ABCB5: variants seen among roughly 807,000 people sequenced by gnomAD.
ABCB5 encodes ATP binding cassette subfamily B member 5.
In ABCB5, 155 loss-of-function variants were observed where a neutral mutation model predicts 144.2. The observed-to-expected ratio is 1.08, with a 90% CI of 0.94 to 1.23. ABCB5 has a LOEUF of 1.23. ABCB5 is among the 50% of genes most tolerant of loss of function. The pLI, the probability that ABCB5 is intolerant of heterozygous loss-of-function variation, is 0.00. For synonymous variants in ABCB5, 610 were observed against 528.6 expected, an observed-to-expected ratio of 1.15 and a Z score of -2.11; for missense variants, 1,830 against 1,520.8, an observed-to-expected ratio of 1.20 and a Z score of -3.38.
At chr7:20,724,687 C>T (rs1230201649) in intron 21 of ABCB5, among the ~76,000 whole-genome samples, 1 of 149,948 alleles carries the variant, frequency 6.7e-6, no homozygotes, top group East Asian at 2.0e-4. Flanking sequence ...GAGCTCTTGG[C>T]TACACTGGTG....
At chr7:20,636,729 G>C (rs1253263123) in intron 5 of ABCB5, among the ~76,000 whole-genome samples, 1 of 140,928 alleles carries the variant, frequency 7.1e-6, no homozygotes. Flanking sequence ...AGGTTGCAGT[G>C]AGCTGAGATC....
chr7:20,619,890 C>T (rs560773296), intron 1 of ABCB5, among the ~76,000 whole-genome samples: 1 of 152,328 alleles, frequency 6.6e-6, no homozygotes, highest in Non-Finnish European at 1.5e-5. Context: ...CATTCTTCTG[C>T]ATATGGCTAG....
At chr7:20,708,087 A>G (rs1253862255) in intron 20 of ABCB5, among the ~76,000 whole-genome samples, 3 of 152,000 alleles carry the variant, frequency 2.0e-5, no homozygotes, top group Non-Finnish European at 4.4e-5. Context: ...TACAGGCGTG[A>G]GCCACCGCGC....
At chr7:20,737,509 A>G (rs1782424614) in intron 23 of ABCB5, among the ~76,000 whole-genome samples, 1 of 152,216 alleles carries the variant, frequency 6.6e-6, no homozygotes. Flanking sequence ...ATTTATGTCT[A>G]ATGCTTACCA....
intron 20 of ABCB5, among the ~76,000 whole-genome samples, chr7:20,718,145 G>A (rs1440106965): frequency 2.0e-5 from 3 of 148,966 alleles, no homozygotes; most frequent in Non-Finnish European, 4.5e-5. Context: ...TCCGGACCTC[G>A]TGACCAGCCC....
In ABCB5 at chr7:20,618,764, C is replaced by CTTTTTTTTTTTTTT. The variant is rs59970398; in HGVS notation, c.-22+2942_-22+2955dup. Among the ~76,000 whole-genome samples the CTTTTTTTTTTTTTT allele has an allele frequency of 1.4e-4, 7 of 51,574 alleles. 1 individual carries two copies. The highest frequency in any genetic ancestry group is 6.5e-4 in the Admixed American group (2 of 3,074). The allele number at this position is 51,574 out of a possible 152,430, so 33.8% of individuals were successfully genotyped here. On this transcript the variant is annotated intron_variant, in intron 1 of 27. Transcript: ENST00000404938. ...TCATGGCATATATGTGCTGCATTTT[C>CTTTTTTTTTTTTTT]TTTTTTTTTTTTTTTTTTTTTTTTT...
chr7:20,714,534 T>C (rs1376498425), intron 20 of ABCB5, among the ~76,000 whole-genome samples: 1 of 152,184 alleles, frequency 6.6e-6, no homozygotes, highest in Admixed American at 6.5e-5. Flanking sequence ...TATTTTCTGT[T>C]TATTCTTCTT....
chr7:20,624,740 G>C (rs544518490), intron 2 of ABCB5, among the ~76,000 whole-genome samples: 6 of 152,144 alleles, frequency 3.9e-5, no homozygotes, highest in African/African-American at 1.2e-4. Flanking sequence ...TGAAAGTACT[G>C]GGCCACCAAC....
At chr7:20,635,746 G>C (rs1376477125) in intron 5 of ABCB5, among the ~76,000 whole-genome samples, 3 of 152,010 alleles carry the variant, frequency 2.0e-5, no homozygotes, top group African/African-American at 7.2e-5. Flanking sequence ...TTTGCACATT[G>C]ATTTTATAAC....
chr7:20,627,471 A>G (rs986552508), intron 3 of ABCB5, among the ~76,000 whole-genome samples: 3 of 152,182 alleles, frequency 2.0e-5, no homozygotes, highest in Admixed American at 1.3e-4. Context: ...TGCTGTTATT[A>G]AAATCTAATT....
chr7:20,646,009 T>A lies in ABCB5; in HGVS notation c.852T>A (p.Thr284=), dbSNP rs779206665. The part of the protein sequence containing the change: ...KDAKDFGIKR[T]IASKVSLGAV... The stretch of plus-strand genomic sequence containing the variant: ...CAAAGGATTTTGGCATAAAAAGGAC[T>A]ATAGCTTCAAAAGTGTCTCTTGGTG... Residue 284 remains threonine (T), a synonymous_variant, in exon 9 of 28, where the codon ACT becomes ACA. Transcript: ENST00000404938. 2 of 1,613,882 alleles carry A rather than the reference T, an allele frequency of 1.2e-6. No individual in the cohort carries two copies. Among genetic ancestry groups the A allele is most frequent in the Middle Eastern group, 1.7e-4 (1 of 6,060 alleles).
chr7:20,707,652 A>G (rs1390711608), intron 20 of ABCB5, among the ~76,000 whole-genome samples: 1 of 152,172 alleles, frequency 6.6e-6, no homozygotes, highest in Non-Finnish European at 1.5e-5. Context: ...GACACATCCA[A>G]TGCTAGAACC....
chr7:20,699,476 G>A (rs1157062922), intron 17 of ABCB5, among the ~76,000 whole-genome samples: 1 of 152,072 alleles, frequency 6.6e-6, no homozygotes, highest in Non-Finnish European at 1.5e-5. Context: ...GGAGGCAGCC[G>A]GATCACTTGA....
chr7:20,676,293 C>T lies in ABCB5; in HGVS notation c.1708-5212C>T, dbSNP rs539240889. Among the ~76,000 whole-genome samples the T allele has an allele frequency of 8.0e-5, 12 of 150,354 alleles. No homozygotes were observed. In the South Asian group the frequency reaches 2.1e-3, roughly 26 times the overall value. On this transcript the variant is annotated intron_variant, in intron 14 of 27. Coordinates refer to ENST00000404938, the MANE Select transcript of ABCB5 (RefSeq NM_001163941.2). ...AGTCAGTATCTCGAAGAGGTATATA[C>T]ACTCCCATGCTCATTGCATCATTAT...
At chr7:20,617,317 T>C (rs1783709577) in intron 1 of ABCB5, among the ~76,000 whole-genome samples, 2 of 152,234 alleles carry the variant, frequency 1.3e-5, no homozygotes, top group African/African-American at 2.4e-5. Context: ...TAGATTATCA[T>C]TCAGTACATG....
chr7:20,626,703 A>T, intron 3 of ABCB5, 92 bp downstream of exon 3: 1 of 994,862 alleles, frequency 1.0e-6, no homozygotes. Context: ...GATTGCATCC[A>T]CTATTTGTGG....
intron 14 of ABCB5, among the ~76,000 whole-genome samples, chr7:20,677,860 C>G (rs1785666397): frequency 6.6e-6 from 1 of 152,270 alleles, no homozygotes; most frequent in South Asian, 2.1e-4. Flanking sequence ...ACATTGAATC[C>G]TTTTTACCTC....
rs780337615 is a variant in ABCB5 at position 20,650,161 on chromosome 7, G to C, written c.1332+14G>C. The C allele has an allele frequency of 9.9e-6, 16 of 1,612,816 alleles. No individual in the cohort carries two copies. In the East Asian group the frequency reaches 2.7e-4, roughly 27 times the overall value. On this transcript the variant is annotated intron_variant, in intron 12 of 27. Coordinates refer to ENST00000404938, the MANE Select transcript of ABCB5 (RefSeq NM_001163941.2). ...GATGATGGCTTTGTAAGTGCAGCTA[G>C]CAAAACCATGCACAGTCCACCTAAT...
At chr7:20,680,995 TTTCTTTCTTTCTTTCTTTC>T (rs1481884196) in intron 14 of ABCB5, among the ~76,000 whole-genome samples, 1,549 of 17,966 alleles carry the variant, frequency 0.086, 113 homozygotes, top group African/African-American at 0.29. Context: ...TCTTTCTTTC[TTTCTTTCTTTCTTTCTTTC>T]TTTCTTTCTT....
Sources: gnomAD v4.1 joint callset for allele counts (sites outside exome capture counted in the v4.1 genomes callset) on GRCh38, gnomAD v4.1.1 for gene constraint, MANE v1.5 for transcripts, NCBI Gene and HGNC (gene_info 2026-07-23, HGNC 2026-07-21) for gene names.